Variants in SLIT1 observed in about 807,000 individuals in gnomAD.
The protein encoded by SLIT1 is slit homolog 1 protein.
A neutral mutation model predicts 186.1 loss-of-function variants in SLIT1; 66 were observed. That is an observed-to-expected ratio of 0.35 (90% CI 0.29 to 0.44). The LOEUF (loss-of-function observed/expected upper bound fraction) is 0.44, where lower values mean the gene tolerates loss of function less well. Ranked by LOEUF, SLIT1 falls within the 20% of genes least tolerant of loss-of-function variation. The pLI is 1.00. For missense variants in SLIT1, 1,638 were observed against 2,037.4 expected (o/e 0.80, Z 3.77); for synonymous variants, 761 against 833.8 (o/e 0.91, Z 1.50).
intron 4 of SLIT1, among the ~76,000 whole-genome samples, chr10:97,088,387 T>A (rs890899403): frequency 3.9e-5 from 6 of 152,188 alleles, no homozygotes; most frequent in African/African-American, 1.4e-4. Flanking sequence ...ATATTGGGCC[T>A]GGAAGAGTAG....
chr10:96,999,314 A>C lies in SLIT1; in HGVS notation c.*1798T>G, dbSNP rs1197744422. On this transcript the variant is annotated 3_prime_UTR_variant, in exon 37 of 37. Transcript: ENST00000266058. ...GGCAGGGCACTGCCCTCTTCCCATCACAGGGACCCCAGGACTCACAGTTGC... is the reference window on the plus strand; with the variant it reads ...GGCAGGGCACTGCCCTCTTCCCATCCCAGGGACCCCAGGACTCACAGTTGC... The C allele has an allele frequency of 6.6e-6, 1 of 152,272 alleles. No homozygotes were observed. The highest frequency in any genetic ancestry group is 1.5e-5 in the Non-Finnish European group (1 of 68,106). 9.4% of individuals were successfully genotyped at this position (152,272 alleles called of 1,614,324 possible).
intron 4 of SLIT1, among the ~76,000 whole-genome samples, chr10:97,118,900 TA>T (rs952878798): frequency 6.6e-6 from 1 of 152,138 alleles, no homozygotes; most frequent in African/African-American, 2.4e-5. Context: ...AAATTATAGC[TA>T]AAAAACAAAA....
At chr10:97,117,378 T>G (rs1849518598) in intron 4 of SLIT1, among the ~76,000 whole-genome samples, 1 of 152,224 alleles carries the variant, frequency 6.6e-6, no homozygotes, top group Non-Finnish European at 1.5e-5. Flanking sequence ...ACTTATTTGC[T>G]TGGAAAATTT....
chr10:97,142,951 A>G (rs1158583976), intron 4 of SLIT1, among the ~76,000 whole-genome samples: 1 of 152,198 alleles, frequency 6.6e-6, no homozygotes, highest in Non-Finnish European at 1.5e-5. Flanking sequence ...CCTCATTAGG[A>G]TGGCTACTGT....
Position 97,043,454 on chromosome 10 carries a change from T to C in SLIT1, c.1913A>G (p.Asn638Ser), listed in dbSNP as rs770984380. 7.4e-6 allele frequency: 12 copies of C among 1,613,986 alleles called. No homozygotes were observed. In the Admixed American group the frequency reaches 2.0e-4, roughly 27 times the overall value. Reference protein sequence around the residue: ...IHNDSFTGLRNVRLLSLYDNQ... With the variant: ...IHNDSFTGLRSVRLLSLYDNQ... ...GTCGTAGAGCGAGAGGAGCCGGACG[T>C]TGCGCAGGCCCGTGAAGCTGTCGTT... The change falls in exon 19 of 37, where the codon AAC becomes AGC. Residue 638 changes from asparagine (N) to serine (S), a missense_variant. Asn to Ser is a conservative substitution (Grantham distance 46, BLOSUM62 1). Around this residue, in one of 3 missense-constraint regions of SLIT1, gnomAD observed 1,245 missense variants for 1,535.3 expected, o/e 0.81. Transcript: ENST00000266058. This position sits in a 1 kb window ranked among gnomAD's most constrained non-coding sequence, Gnocchi z 7.0.
At chr10:97,137,779 T>C (rs1589407309) in intron 4 of SLIT1, among the ~76,000 whole-genome samples, 1 of 151,858 alleles carries the variant, frequency 6.6e-6, no homozygotes, top group Non-Finnish European at 1.5e-5. Context: ...AGAGACGGGG[T>C]TTTGTCATGT....
chr10:97,127,669 A>G (rs920733685), intron 4 of SLIT1, among the ~76,000 whole-genome samples: 3 of 152,170 alleles, frequency 2.0e-5, no homozygotes, highest in Non-Finnish European at 4.4e-5. Context: ...CTAGAGCTTC[A>G]GGGATCATGC....
chr10:97,138,403 C>A (rs1849724958), intron 4 of SLIT1, among the ~76,000 whole-genome samples: 1 of 152,254 alleles, frequency 6.6e-6, no homozygotes, highest in African/African-American at 2.4e-5. Flanking sequence ...GGGATGCACT[C>A]TTGCAGGGAG....
At chr10:97,009,432 T>C (rs879229512) in intron 31 of SLIT1, among the ~76,000 whole-genome samples, 2 of 152,218 alleles carry the variant, frequency 1.3e-5, no homozygotes, top group Admixed American at 1.3e-4. Flanking sequence ...ACTGTATATC[T>C]GCATGCAAAA....
chr10:97,029,005 G>T (rs1232686531), intron 25 of SLIT1, among the ~76,000 whole-genome samples: 2 of 152,164 alleles, frequency 1.3e-5, no homozygotes, highest in Non-Finnish European at 2.9e-5. Context: ...GTCCAGCCCT[G>T]GAATCTTCAG....
rs559458873 is a variant in SLIT1, at chr10:97,162,819, CA to C, written c.341+560del. Among the ~76,000 whole-genome samples the C allele has an allele frequency of 3.9e-3, 591 of 151,946 alleles. 5 individuals carry two copies. The highest frequency in any genetic ancestry group is 0.014 in the African/African-American group (560 of 41,432). On this transcript the variant is annotated intron_variant, in intron 3 of 36. Coordinates refer to ENST00000266058, the MANE Select transcript of SLIT1 (RefSeq NM_003061.3). ...TGAGTGCCCATCCCCCACCTCACCC[CA>C]CTATGTTTCTTTTTTTTTCATCGTT...
chr10:97,092,561 C>A (rs1232718660), intron 4 of SLIT1, among the ~76,000 whole-genome samples: 1 of 152,208 alleles, frequency 6.6e-6, no homozygotes, highest in Non-Finnish European at 1.5e-5. Context: ...AAAAGAGCAG[C>A]CAAGGTCCAG....
Position 97,002,388 on chromosome 10 carries a change from AGGCGCTGT to A in SLIT1, c.4155-27_4155-20del, listed in dbSNP as rs777621106. ...GACACACCTGGAGGAGACAGAGAAA[AGGCGCTGT>A]GAGGACAAACCCAGCCAAGCCCCAC... On this transcript the variant is annotated intron_variant, in intron 35 of 36. Transcript: ENST00000266058. 1.3e-6 allele frequency: 2 copies of A among 1,559,540 alleles called. No homozygotes were observed. The highest frequency in any genetic ancestry group is 1.7e-6 in the Non-Finnish European group (2 of 1,151,628).
chr10:97,021,507 G>A lies in SLIT1; in HGVS notation c.2583-94C>T. On this transcript the variant is annotated intron_variant, in intron 25 of 36. Transcript: ENST00000266058. The surrounding 1 kb of genome is among the most constrained non-coding windows in gnomAD (Gnocchi z 4.5). ...GTCCCAGGCACTGCACCAGGGGCTG[G>A]CAAAAATCTTAGCCTCCATTTCATG... The A allele has an allele frequency of 8.5e-7, 1 of 1,183,302 alleles. No homozygotes were observed. Among genetic ancestry groups the A allele is most frequent in the Non-Finnish European group, 1.2e-6 (1 of 848,338 alleles). The allele number at this position is 1,183,302 out of a possible 1,614,324, so 73.3% of individuals were successfully genotyped here. A position where few individuals can be genotyped will look rare whatever the true frequency, so the allele number is the denominator to read the frequency against.
At chr10:97,037,258 C>T (rs999167697) in intron 22 of SLIT1, among the ~76,000 whole-genome samples, 1 of 152,030 alleles carries the variant, frequency 6.6e-6, no homozygotes, top group Non-Finnish European at 1.5e-5. Flanking sequence ...CCATGCCCGG[C>T]TAATTTTGTA....
chr10:97,158,451 C>A (rs1303040778), intron 3 of SLIT1, among the ~76,000 whole-genome samples: 1 of 152,026 alleles, frequency 6.6e-6, no homozygotes, highest in Admixed American at 6.5e-5. Flanking sequence ...CACCTGAGGT[C>A]AGGAGTTCGA....
chr10:97,156,369 G>C (rs539818188), intron 4 of SLIT1, among the ~76,000 whole-genome samples: 87 of 152,248 alleles, frequency 5.7e-4, no homozygotes, highest in African/African-American at 2.1e-3. Flanking sequence ...CTTGAGCCTA[G>C]GAGTTTGAAA....
chr10:97,060,272 C>G, intron 9 of SLIT1, 114 bp from the exon 10 acceptor site: 2 of 847,204 alleles, frequency 2.4e-6, no homozygotes, highest in Non-Finnish European at 4.0e-6. Flanking sequence ...GCCCCTGCTC[C>G]CTTCCCACTT....
chr10:97,156,407 G>A (rs1024762003), intron 4 of SLIT1, among the ~76,000 whole-genome samples: 2 of 151,992 alleles, frequency 1.3e-5, no homozygotes, highest in South Asian at 2.1e-4. Flanking sequence ...GCAAAACCCC[G>A]TCTCTACAAA....
Sources: allele counts gnomAD v4.1 joint callset (sites outside exome capture counted in the v4.1 genomes callset), GRCh38; gene constraint gnomAD v4.1.1; regional missense constraint gnomAD v4.1.1; non-coding constraint Gnocchi (gnomAD v3.1); transcripts MANE v1.5; gene names NCBI Gene and HGNC (gene_info 2026-07-23, HGNC 2026-07-21).